The following ZBED6 variants were observed in gnomAD, a reference collection of about 807,000 sequenced individuals.
The protein encoded by ZBED6 is zinc finger BED domain-containing protein 6.
A neutral mutation model predicts 58.4 loss-of-function variants in ZBED6; 40 were observed. The ratio of observed to expected loss-of-function variants is 0.68; its 90% CI spans 0.53 to 0.89. ZBED6 has a LOEUF of 0.89. Ranked by LOEUF, ZBED6 falls within the 40% of genes least tolerant of loss-of-function variation. ZBED6 has a pLI of 0.00. For synonymous variants in ZBED6, 439 were observed against 350.6 expected (o/e 1.25, Z -2.82); for missense variants, 1,057 against 1,003.9 (o/e 1.05, Z -0.71).
exon 1 of ZBED6, chr1:203,800,961 A>G (rs1038621126): frequency 1.3e-5 from 2 of 152,354 alleles, no homozygotes; most frequent in African/African-American, 2.4e-5. Context: ...GGAAATTTCT[A>G]ATTGCCTCCT....
chr1:203,830,701 C>T (rs899384554), intron 7 of ZBED6, among the ~76,000 whole-genome samples: 2 of 151,718 alleles, frequency 1.3e-5, no homozygotes, highest in Non-Finnish European at 2.9e-5. Context: ...CCCAGCTACT[C>T]GGGAGGCTGA....
At chr1:203,841,025 G>A (rs1396434372) in intron 11 of ZBED6, among the ~76,000 whole-genome samples, 2 of 150,440 alleles carry the variant, frequency 1.3e-5, no homozygotes, top group Non-Finnish European at 3.0e-5. Context: ...TTGCTGTCAT[G>A]AAAAGTCAAA....
At chr1:203,837,975 G>A (rs1360693922) in exon 10 of ZBED6, 2 of 1,613,322 alleles carry the variant, frequency 1.2e-6, no homozygotes, top group Non-Finnish European at 1.7e-6. Flanking sequence ...GGCGGTGACA[G>A]TGATCCTCCA....
exon 1 of ZBED6, chr1:203,798,694 T>C: frequency 6.5e-7 from 1 of 1,535,992 alleles, no homozygotes; most frequent in Non-Finnish European, 8.7e-7. Context: ...CAAGGCACTC[T>C]GATGCGTGCG....
rs1015155017 is a variant in ZBED6, at chr1:203,796,247, G to T, written c.-1276G>T. 5 of 394,748 alleles carry T rather than the reference G, an allele frequency of 1.3e-5. 1 individual carries two copies. Among genetic ancestry groups the T allele is most frequent in the African/African-American group, 1.0e-4 (5 of 48,462 alleles). 24.5% of individuals were successfully genotyped at this position (394,748 alleles called of 1,614,324 possible). A position where few individuals can be genotyped will look rare whatever the true frequency, so the allele number is the denominator to read the frequency against. On this transcript the variant is annotated 5_prime_UTR_variant, in exon 1 of 17. Coordinates refer to ENST00000550078, the Ensembl canonical transcript of ZBED6. ...GGACCCTCACTGCCTAAATCAATCA[G>T]ACTGAGTGCCGGGCGCTGAATTTAC...
rs867418732 is a variant in ZBED6 at position 203,819,087 on chromosome 1, T to C, written c.*2873+398T>C. On this transcript the variant is annotated intron_variant, in intron 3 of 16. Coordinates refer to ENST00000550078, the Ensembl canonical transcript of ZBED6. ...CGTCTCAAAAAAAAAAATATATATA[T>C]ATACACACACACACACACACACACA... Among the ~76,000 whole-genome samples the C allele has an allele frequency of 7.6e-3, 314 of 41,442 alleles. 1 individual carries two copies. Among genetic ancestry groups the C allele is most frequent in the Admixed American group, 0.016 (51 of 3,140 alleles). 27.2% of individuals were successfully genotyped at this position (41,442 alleles called of 152,430 possible). A position where few individuals can be genotyped will look rare whatever the true frequency, so the allele number is the denominator to read the frequency against.
At chr1:203,847,808 C>T in intron 12 of ZBED6, 121 bp downstream of exon 12, 1 of 1,410,680 alleles carries the variant, frequency 7.1e-7, no homozygotes, top group Non-Finnish European at 9.5e-7. Context: ...GTTGAAAACA[C>T]TGAATTAAAT....
intron 1 of ZBED6, among the ~76,000 whole-genome samples, chr1:203,813,202 T>G (rs1675106407): frequency 6.6e-6 from 1 of 151,094 alleles, no homozygotes; most frequent in African/African-American, 2.5e-5. Flanking sequence ...TGTTTTTTTG[T>G]TTTTTGTTTT....
intron 3 of ZBED6, among the ~76,000 whole-genome samples, chr1:203,823,180 C>T (rs1289900470): frequency 1.3e-5 from 2 of 152,148 alleles, no homozygotes; most frequent in Non-Finnish European, 2.9e-5. Flanking sequence ...TTTAGAGATT[C>T]TCTAGGATGT....
At chr1:203,820,277 G>C (rs1164288908) in intron 3 of ZBED6, among the ~76,000 whole-genome samples, 4 of 151,226 alleles carry the variant, frequency 2.6e-5, no homozygotes, top group African/African-American at 9.7e-5. Context: ...GTTGCACATA[G>C]TTGTCACGAC....
chr1:203,846,332 C>T (rs1687903346), intron 11 of ZBED6, among the ~76,000 whole-genome samples: 1 of 152,044 alleles, frequency 6.6e-6, no homozygotes, highest in Non-Finnish European at 1.5e-5. Flanking sequence ...TCAGTTTAGA[C>T]AGATATAGAA....
At chr1:203,820,134 CTG>C in intron 3 of ZBED6, among the ~76,000 whole-genome samples, 2 of 151,396 alleles carry the variant, frequency 1.3e-5, no homozygotes, top group East Asian at 4.0e-4. Flanking sequence ...ATTCAGGAGG[CTG>C]AAGCAGGAGA....
intron 3 of ZBED6, among the ~76,000 whole-genome samples, chr1:203,827,686 A>G (rs1407199601): frequency 2.6e-5 from 4 of 151,824 alleles, no homozygotes; most frequent in Admixed American, 6.6e-5. Context: ...TGTCTCAAAA[A>G]AAAAAAAAAA....
At chr1:203,829,376 T>G in intron 4 of ZBED6, 75 bp from the exon 5 acceptor site, 1 of 1,454,272 alleles carries the variant, frequency 6.9e-7, no homozygotes. Context: ...ATAGTTTTCA[T>G]AGGTGGTCAG....
At chr1:203,832,782 C>G (rs1389818196) in intron 8 of ZBED6, among the ~76,000 whole-genome samples, 1 of 152,170 alleles carries the variant, frequency 6.6e-6, no homozygotes, top group East Asian at 1.9e-4. Flanking sequence ...TCACTTCTTC[C>G]TGAGGTGATC....
chr1:203,817,211 T>A (rs1333237304), intron 2 of ZBED6, 87 bp downstream of exon 2: 1 of 1,120,716 alleles, frequency 8.9e-7, no homozygotes, highest in Non-Finnish European at 1.2e-6. Flanking sequence ...AAGTTGTTTT[T>A]ATTATATATA....
Position 203,798,519 on chromosome 1 carries a change from G to C in ZBED6, c.997G>C (p.Asp333His), listed in dbSNP as rs370618612. ...CAGTGGTGCTGTTGCAAATGGATTA[G>C]ATGAAGCTGAGACTGAGAGAAGTGA... The change falls in exon 1 of 17, where the codon GAT becomes CAT. Residue 333 changes from aspartate to histidine, a missense_variant. Asp to His is a moderately conservative substitution (Grantham distance 81). Coordinates refer to ENST00000550078, the Ensembl canonical transcript of ZBED6. The C allele has an allele frequency of 1.7e-5, 26 of 1,536,136 alleles. No individual in the cohort carries two copies. In the East Asian group the frequency reaches 2.2e-4, roughly 13 times the overall value.
rs533988265 is a variant in ZBED6 at position 203,819,509 on chromosome 1, A to G, written c.*2873+820A>G. On this transcript the variant is annotated intron_variant, in intron 3 of 16. Transcript: ENST00000550078. ...AGTGCTGGGATTACATGCGTGAGCC[A>G]CCGTGCCCAGCTGACTCCAATTTTT... is the stretch of plus-strand genomic sequence containing the variant. 2.4e-4 allele frequency among the ~76,000 whole-genome samples: 35 copies of G among 142,962 alleles called. No homozygotes were observed. The East Asian group carries it at 7.4e-3, about 30-fold the overall frequency. 93.8% of individuals were successfully genotyped at this position (142,962 alleles called of 152,430 possible).
intron 1 of ZBED6, among the ~76,000 whole-genome samples, chr1:203,815,218 T>TTTCTTTTC (rs1378931442): frequency 2.4e-4 from 28 of 115,508 alleles, no homozygotes; most frequent in Non-Finnish European, 3.1e-4. Context: ...TTTCTTTTCT[T>TTTCTTTTC]TTTTTTTTTT....
Sources: allele counts gnomAD v4.1 joint callset (sites outside exome capture counted in the v4.1 genomes callset), GRCh38; gene constraint gnomAD v4.1.1; transcripts MANE v1.5; gene names NCBI Gene and HGNC (gene_info 2026-07-23, HGNC 2026-07-21).